Variants in LDLRAD4 observed in about 807,000 individuals in gnomAD.
LDLRAD4 encodes the protein low density lipoprotein receptor class A domain containing 4.
A neutral mutation model predicts 17.0 loss-of-function variants in LDLRAD4; 5 were observed. The ratio of observed to expected loss-of-function variants is 0.29; its 90% confidence interval spans 0.15 to 0.62. LDLRAD4 has a LOEUF of 0.62. LDLRAD4 is among the 20% of genes least tolerant of loss of function. The pLI is 0.84. For synonymous variants in LDLRAD4, 168 were observed against 171.8 expected (o/e 0.98, Z 0.17); for missense variants, 340 against 424.7 (o/e 0.80, Z 1.75).
chr18:13,559,048 C>A (rs9949664), intron 3 of LDLRAD4, among the ~76,000 whole-genome samples: 4,783 of 152,288 alleles, frequency 0.031, 234 homozygotes, highest in African/African-American at 0.1. Context: ...GAATGTAGTA[C>A]CCCACTGGCT....
chr18:13,347,524 T>C (rs556183713), intron 1 of LDLRAD4, among the ~76,000 whole-genome samples: 7 of 152,338 alleles, frequency 4.6e-5, no homozygotes, highest in African/African-American at 1.4e-4. Flanking sequence ...TCATTTCAAC[T>C]TTGGTGAATC....
chr18:13,344,006 C>CA (rs2082532968), intron 1 of LDLRAD4, among the ~76,000 whole-genome samples: 1 of 152,106 alleles, frequency 6.6e-6, no homozygotes, highest in African/African-American at 2.4e-5. Context: ...GAGTAGATTG[C>CA]AAAAATATTC....
intron 3 of LDLRAD4, among the ~76,000 whole-genome samples, chr18:13,442,988 C>G (rs999768359): frequency 6.6e-6 from 1 of 152,088 alleles, no homozygotes; most frequent in Non-Finnish European, 1.5e-5. Context: ...GAGCAGCTCC[C>G]CCTGCTACTG....
intron 1 of LDLRAD4, among the ~76,000 whole-genome samples, chr18:13,236,824 C>T (rs921463236): frequency 2.0e-5 from 3 of 152,122 alleles, no homozygotes; most frequent in Admixed American, 1.3e-4. Context: ...ACATCTTCCT[C>T]TGAGGTTACG....
Position 13,328,082 on chromosome 18 carries a change from C to T in LDLRAD4, c.-383+49894C>T, listed in dbSNP as rs138545600. Among the ~76,000 whole-genome samples, 250 of 152,268 alleles carry T rather than the reference C, an allele frequency of 1.6e-3. 3 individuals carry two copies. Among genetic ancestry groups the T allele is most frequent in the South Asian group, 0.015 (70 of 4,818 alleles). On this transcript the variant is annotated intron_variant, in intron 1 of 5. Coordinates refer to ENST00000359446, the Ensembl canonical transcript of LDLRAD4. ...AGAAGCTCCATACTCATTTCAGCAA[C>T]GGCCTGATGCTGTCCCTCCCTTTTG...
chr18:13,218,260 C>A (rs992003669), upstream of LDLRAD4, among the ~76,000 whole-genome samples: 55 of 152,138 alleles, frequency 3.6e-4, no homozygotes, highest in African/African-American at 1.3e-3. Context: ...AGCTGGGCGC[C>A]GAGCGCGCGA....
At chr18:13,272,623 C>T (rs992684945) in intron 1 of LDLRAD4, among the ~76,000 whole-genome samples, 2 of 152,244 alleles carry the variant, frequency 1.3e-5, no homozygotes, top group African/African-American at 4.8e-5. Flanking sequence ...ATCTGAAAGG[C>T]GCTGATGAAA....
At chr18:13,378,252 C>G (rs893338459) in intron 1 of LDLRAD4, among the ~76,000 whole-genome samples, 15 of 152,266 alleles carry the variant, frequency 9.9e-5, no homozygotes, top group Non-Finnish European at 1.8e-4. Flanking sequence ...ACCAGGCAGC[C>G]TTCCCCTGAG....
rs1313382208 is a variant in LDLRAD4 at position 13,644,840 on chromosome 18, G to A, written c.391-287G>A. The stretch of plus-strand genomic sequence containing the variant: ...CAAGGGGAAAATGCACACGTAGCAC[G>A]CACAGAAACTCCCAGGAGCCCAAGC... On this transcript the variant is annotated intron_variant, in intron 5 of 5. Transcript: ENST00000359446. 20 of 404,972 alleles carry A rather than the reference G, an allele frequency of 4.9e-5. No individual in the cohort carries two copies. The Admixed American group carries it at 5.0e-4, about 10-fold the overall frequency. 25.1% of individuals were successfully genotyped at this position (404,972 alleles called of 1,614,324 possible).
chr18:13,238,441 C>G (rs112429603), intron 1 of LDLRAD4, among the ~76,000 whole-genome samples: 3 of 152,346 alleles, frequency 2.0e-5, no homozygotes, highest in African/African-American at 7.2e-5. Flanking sequence ...CTGTTGGATG[C>G]ACCTGATGCC....
At chr18:13,446,202 C>T (rs571538699) in intron 3 of LDLRAD4, among the ~76,000 whole-genome samples, 8 of 152,190 alleles carry the variant, frequency 5.3e-5, no homozygotes, top group African/African-American at 1.9e-4. Flanking sequence ...AAGAATGCAG[C>T]GCTCAGGGCG....
chr18:13,393,422 C>T (rs980202964), intron 2 of LDLRAD4, among the ~76,000 whole-genome samples: 20 of 152,148 alleles, frequency 1.3e-4, no homozygotes, highest in Non-Finnish European at 2.4e-4. Flanking sequence ...GAGAGAACAG[C>T]AGGCAGGGAC....
In LDLRAD4 at chr18:13,639,497, G is replaced by A. The variant is rs75789288; in HGVS notation, c.337-3862G>A. ...GACGGTGACCTTGCCAACAATCAGC[G>A]TGTGACAGCCTTGGTGGAATGACCA... On this transcript the variant is annotated intron_variant, in intron 4 of 5. Transcript: ENST00000359446. 6.6e-3 allele frequency among the ~76,000 whole-genome samples: 1,013 copies of A among 152,336 alleles called. 13 individuals carry two copies. The highest frequency in any genetic ancestry group is 0.023 in the African/African-American group (952 of 41,578).
chr18:13,637,951 T>G (rs1177753238), intron 4 of LDLRAD4, among the ~76,000 whole-genome samples: 1 of 128,744 alleles, frequency 7.8e-6, no homozygotes, highest in African/African-American at 2.9e-5. Flanking sequence ...CAAGTAACCA[T>G]TACCTGTGAT....
chr18:13,596,569 CTGT>C (rs1455931087), intron 3 of LDLRAD4, among the ~76,000 whole-genome samples: 3 of 152,132 alleles, frequency 2.0e-5, no homozygotes, highest in Non-Finnish European at 2.9e-5. Context: ...TCCAATATAG[CTGT>C]TTTCTCTTTT....
intron 1 of LDLRAD4, among the ~76,000 whole-genome samples, chr18:13,307,833 T>C (rs2047002703): frequency 6.6e-6 from 1 of 152,252 alleles, no homozygotes; most frequent in Non-Finnish European, 1.5e-5. Context: ...CAGTTTATAT[T>C]ATCCGTAATG....
At chr18:13,415,375 G>C (rs2088782532) in intron 2 of LDLRAD4, among the ~76,000 whole-genome samples, 1 of 152,234 alleles carries the variant, frequency 6.6e-6, no homozygotes, top group Admixed American at 6.5e-5. Flanking sequence ...AGGCTTGCGT[G>C]CCTGTGTCTA....
chr18:13,639,846 CAAT>C (rs1477347647), intron 4 of LDLRAD4, among the ~76,000 whole-genome samples: 4 of 152,030 alleles, frequency 2.6e-5, no homozygotes, highest in Non-Finnish European at 4.4e-5. Context: ...TATTATACCT[CAAT>C]AAAGCTGGAA....
intron 3 of LDLRAD4, among the ~76,000 whole-genome samples, chr18:13,617,338 C>A (rs1044313774): frequency 2.0e-5 from 3 of 152,164 alleles, no homozygotes; most frequent in African/African-American, 4.8e-5. Flanking sequence ...AAGATGCACA[C>A]CTTTCAGTCA....
Sources: allele counts gnomAD v4.1 joint callset (sites outside exome capture counted in the v4.1 genomes callset), GRCh38; gene constraint gnomAD v4.1.1; transcripts MANE v1.5; gene names NCBI Gene and HGNC (gene_info 2026-07-23, HGNC 2026-07-21).